The following FLYWCH1 variants were observed in gnomAD, a reference collection of about 807,000 sequenced individuals.
FLYWCH1 encodes FLYWCH-type zinc finger 1.
Under a neutral mutation model 66.4 loss-of-function variants are expected in FLYWCH1, and 75 were observed. That is an observed-to-expected ratio of 1.13 (90% confidence interval 0.94 to 1.37). The LOEUF (loss-of-function observed/expected upper bound fraction) is 1.37. Ranked by LOEUF, FLYWCH1 falls within the 40% of genes most tolerant of loss-of-function variation. FLYWCH1 has a pLI of 0.00. For missense variants in FLYWCH1, 1,334 were observed against 1,001.8 expected (o/e 1.33, Z -4.48); for synonymous variants, 595 against 429.9 (o/e 1.38, Z -4.75).
intron 2 of FLYWCH1, among the ~76,000 whole-genome samples, chr16:2,927,635 C>A (rs1380608190): frequency 6.6e-6 from 1 of 152,226 alleles, no homozygotes; most frequent in Middle Eastern, 3.4e-3. Flanking sequence ...ATAATTGTGG[C>A]CAAATTGGTC....
Position 2,933,466 on chromosome 16 carries a change from C to T in FLYWCH1, c.1133C>T (p.Pro378Leu), listed in dbSNP as rs375862744. The stretch of plus-strand genomic sequence containing the variant: ...GATAGTTTGCTCTACCGCAGGGGTC[C>T]GGGTCCCCTGACTCTCACCAGGCCT... ...GVDSLLYRRG[P>L]GPLTLTRPRP... is the part of the protein sequence containing the mutation. Residue 378 changes from proline to leucine, a missense_variant, in exon 5 of 10, where the codon CCG becomes CTG. By Grantham distance (98) the Pro-to-Leu change is moderately conservative. Coordinates refer to ENST00000253928, the MANE Select transcript of FLYWCH1 (RefSeq NM_001308068.2). 77 of 1,602,846 alleles carry T rather than the reference C, an allele frequency of 4.8e-5. No individual in the cohort carries two copies. The highest frequency in any genetic ancestry group is 2.1e-4 in the African/African-American group (16 of 74,722).
At chr16:2,916,955 C>T (rs1479070876) in intron 2 of FLYWCH1, among the ~76,000 whole-genome samples, 1 of 140,340 alleles carries the variant, frequency 7.1e-6, no homozygotes, top group Non-Finnish European at 1.5e-5. Context: ...TTAGCCTGGA[C>T]AACATGGTGA....
At chr16:2,936,753 C>T (rs941377085) in intron 6 of FLYWCH1, 2 of 489,216 alleles carry the variant, frequency 4.1e-6, no homozygotes, top group South Asian at 3.1e-5. Context: ...GCAGCTTTGT[C>T]CCCAGAGGGC....
chr16:2,913,487 C>A (rs2070060726), intron 1 of FLYWCH1, among the ~76,000 whole-genome samples: 1 of 152,098 alleles, frequency 6.6e-6, no homozygotes, highest in African/African-American at 2.4e-5. Flanking sequence ...TTGGGCAATT[C>A]TGCACCCCAG....
In FLYWCH1 at chr16:2,930,275, T is replaced by C. The variant is rs77106853; in HGVS notation, c.326-135T>C. ...CCAAAATAAAAACCAGCCCTGAGAGTCTGGGCTTCTTGCTTGGGAGCAGGA... is the reference window on the plus strand; with the variant it reads ...CCAAAATAAAAACCAGCCCTGAGAGCCTGGGCTTCTTGCTTGGGAGCAGGA... On this transcript the variant is annotated intron_variant, in intron 3 of 9. Coordinates refer to ENST00000253928, the MANE Select transcript of FLYWCH1 (RefSeq NM_001308068.2). The C allele has an allele frequency of 1.5e-3, 947 of 642,796 alleles. 12 individuals are homozygous for C. The African/African-American group carries it at 0.016, about 11-fold the overall frequency. 39.8% of individuals were successfully genotyped at this position (642,796 alleles called of 1,614,324 possible).
chr16:2,924,330 CAAAA>C (rs1181695820), intron 2 of FLYWCH1, among the ~76,000 whole-genome samples: 2 of 116,724 alleles, frequency 1.7e-5, no homozygotes, highest in South Asian at 2.7e-4. Context: ...GACTCCATCT[CAAAA>C]AAAAAAAAAA....
At chr16:2,921,104 G>A (rs2070359285) in intron 2 of FLYWCH1, among the ~76,000 whole-genome samples, 3 of 151,300 alleles carry the variant, frequency 2.0e-5, no homozygotes, top group Admixed American at 1.3e-4. Flanking sequence ...GCCTCCCAAA[G>A]TGCTGGGATT....
chr16:2,930,942 C>A, intron 4 of FLYWCH1, 62 bp downstream of exon 4: 1 of 1,295,574 alleles, frequency 7.7e-7, no homozygotes. Context: ...GGCCCTTCCT[C>A]AGCCCAAATA....
In FLYWCH1 at chr16:2,933,351, G is replaced by A. The variant is rs1272824149; in HGVS notation, c.1018G>A (p.Ala340Thr). The change falls in exon 5 of 10, where the codon GCC becomes ACC. Residue 340 changes from alanine (A) to threonine (T), a missense_variant. Coordinates refer to ENST00000253928, the MANE Select transcript of FLYWCH1 (RefSeq NM_001308068.2). ...CCAGCCCGATATGGAGGGCCTGGAA[G>A]CCCGGCGGCAGCAGGAGAAGGCCGT... ...CHQPDMEGLE[A>T]RRQQEKAVET... 2 of 1,605,296 alleles carry A rather than the reference G, an allele frequency of 1.2e-6. No individual in the cohort carries two copies. Among genetic ancestry groups the A allele is most frequent in the Non-Finnish European group, 1.7e-6 (2 of 1,176,454 alleles).
chr16:2,916,123 G>T (rs1184945232), intron 2 of FLYWCH1, among the ~76,000 whole-genome samples: 1 of 152,152 alleles, frequency 6.6e-6, no homozygotes, highest in Admixed American at 6.6e-5. Context: ...AAGACGGGCT[G>T]ATCACTTGAG....
chr16:2,912,627 T>C (rs2150866325), intron 1 of FLYWCH1, among the ~76,000 whole-genome samples: 1 of 152,314 alleles, frequency 6.6e-6, no homozygotes, highest in South Asian at 2.1e-4. Context: ...TCTGTGCCTG[T>C]GGGTCTGGAT....
chr16:2,920,644 G>A (rs1236439680), intron 2 of FLYWCH1, among the ~76,000 whole-genome samples: 2 of 151,842 alleles, frequency 1.3e-5, no homozygotes, highest in Non-Finnish European at 2.9e-5. Flanking sequence ...GTGCAATAGC[G>A]TGAGCTCCTG....
intron 8 of FLYWCH1, among the ~76,000 whole-genome samples, 151 bp downstream of exon 8, chr16:2,938,607 G>GTTTT (rs35169451): frequency 3.3e-4 from 43 of 129,180 alleles, no homozygotes; most frequent in Non-Finnish European, 5.7e-4. Flanking sequence ...ACCAGTCTTT[G>GTTTT]TTTTTTTTTT....
chr16:2,925,938 A>G (rs1010491959), intron 2 of FLYWCH1, among the ~76,000 whole-genome samples: 2 of 152,186 alleles, frequency 1.3e-5, no homozygotes, highest in African/African-American at 4.8e-5. Context: ...GAGCTGCAGC[A>G]TGTGAGGTGG....
chr16:2,918,927 T>G (rs949709576), intron 2 of FLYWCH1, among the ~76,000 whole-genome samples: 1 of 152,158 alleles, frequency 6.6e-6, no homozygotes, highest in African/African-American at 2.4e-5. Context: ...CTTTACTGAA[T>G]TTGTTAATTG....
intron 5 of FLYWCH1, 27 bp downstream of exon 5, chr16:2,933,609 C>T (rs751558788): frequency 1.2e-5 from 19 of 1,568,212 alleles, no homozygotes; most frequent in Middle Eastern, 1.7e-4. Flanking sequence ...TGGGGCTCAC[C>T]GGCCCTGCCT....
chr16:2,942,669 G>A (rs1348161479), intron 9 of FLYWCH1, among the ~76,000 whole-genome samples: 1 of 43,272 alleles, frequency 2.3e-5, no homozygotes. Flanking sequence ...TGAGACTGCT[G>A]CCCTAAGAAC....
chr16:2,921,640 T>G (rs1439673620), intron 2 of FLYWCH1, among the ~76,000 whole-genome samples: 5 of 152,076 alleles, frequency 3.3e-5, no homozygotes, highest in Non-Finnish European at 7.4e-5. Context: ...TGTGCGCCTG[T>G]GGTCCCAGCT....
rs368904776 is a variant in FLYWCH1, at chr16:2,936,292, C to A, written c.1514-829C>A. 94 of 410,392 alleles carry A rather than the reference C, an allele frequency of 2.3e-4. 1 individual carries two copies. The East Asian group carries it at 5.2e-3, about 23-fold the overall frequency. The allele number at this position is 410,392 out of a possible 1,614,324, so 25.4% of individuals were successfully genotyped here. On this transcript the variant is annotated intron_variant, in intron 6 of 9. Coordinates refer to ENST00000253928, the MANE Select transcript of FLYWCH1 (RefSeq NM_001308068.2). ...CCACCCCCTCCCGTGGCCTGGCGTC[C>A]CCACCTTCGTCCTGACCTCTTCTGT...
Sources: gnomAD v4.1 joint callset for allele counts (sites outside exome capture counted in the v4.1 genomes callset) on GRCh38, gnomAD v4.1.1 for gene constraint, MANE v1.5 for transcripts, NCBI Gene and HGNC (gene_info 2026-07-23, HGNC 2026-07-21) for gene names.